Variants in SLC22A23 observed in about 807,000 individuals in gnomAD.
SLC22A23 encodes ion transporter protein.
A neutral mutation model predicts 61.0 loss-of-function variants in SLC22A23; 26 were observed. The observed-to-expected ratio is 0.43, with a 90% CI of 0.31 to 0.59. The LOEUF (loss-of-function observed/expected upper bound fraction) is 0.59. Among genes scored for constraint, SLC22A23 ranks in the 20% least tolerant of loss-of-function variants. SLC22A23 has a pLI of 0.11. For missense variants in SLC22A23, 796 were observed against 934.7 expected, an observed-to-expected ratio of 0.85 and a Z score of 1.94; for synonymous variants, 430 against 413.9, an observed-to-expected ratio of 1.04 and a Z score of -0.47.
chr6:3,286,823 C>G lies in SLC22A23; in HGVS notation c.1546+36G>C. On this transcript the variant is annotated intron_variant, in intron 7 of 9. Coordinates refer to ENST00000406686, the MANE Select transcript of SLC22A23 (RefSeq NM_015482.2). The surrounding 1 kb of genome is among the most constrained non-coding windows in gnomAD (Gnocchi z 4.2). ...TGCCCTTGGGGATCTGCCAGCTTCC[C>G]TCCCTGCACCCAGCCCACCTCCCCG... The G allele has an allele frequency of 6.5e-7, 1 of 1,537,200 alleles. No homozygotes were observed. Among genetic ancestry groups the G allele is most frequent in the East Asian group, 2.4e-5 (1 of 41,248 alleles).
At chr6:3,313,685 T>C (rs1002202158) in intron 4 of SLC22A23, 3 of 152,192 alleles carry the variant, frequency 2.0e-5, no homozygotes, top group Non-Finnish European at 4.4e-5. Flanking sequence ...TTTCTTGTGT[T>C]TGGGCAGGAA....
intron 5 of SLC22A23, chr6:3,291,950 G>C (rs1760637752): frequency 6.6e-6 from 1 of 152,184 alleles, no homozygotes. Flanking sequence ...TATGACCTGA[G>C]CTTTTTAAAT....
At chr6:3,350,870 C>G (rs1764728877) in intron 3 of SLC22A23, among the ~76,000 whole-genome samples, 1 of 152,044 alleles carries the variant, frequency 6.6e-6, no homozygotes, top group Admixed American at 6.5e-5. Flanking sequence ...CACTGCCCTT[C>G]TCACTCCCAT....
chr6:3,373,195 C>T (rs549099285), intron 3 of SLC22A23, among the ~76,000 whole-genome samples: 1 of 152,358 alleles, frequency 6.6e-6, no homozygotes, highest in South Asian at 2.1e-4. Context: ...ACAAAACCCC[C>T]CGGGCACTAA....
chr6:3,340,077 G>A (rs1764066457), intron 3 of SLC22A23, among the ~76,000 whole-genome samples: 1 of 152,134 alleles, frequency 6.6e-6, no homozygotes, highest in Non-Finnish European at 1.5e-5. Flanking sequence ...CTCCCCACAG[G>A]GGAGGTGCTT....
chr6:3,282,894 A>G (rs1759603991), intron 9 of SLC22A23, among the ~76,000 whole-genome samples: 1 of 152,186 alleles, frequency 6.6e-6, no homozygotes, highest in African/African-American at 2.4e-5. Context: ...AGACGGCACC[A>G]GGAAGGGGTC....
intron 1 of SLC22A23, among the ~76,000 whole-genome samples, chr6:3,437,046 G>C (rs556426836): frequency 6.6e-6 from 1 of 152,066 alleles, no homozygotes; most frequent in Non-Finnish European, 1.5e-5. Flanking sequence ...TTTCAGCTTC[G>C]CAAAAACTGC....
chr6:3,349,979 C>T (rs1014253232), intron 3 of SLC22A23, among the ~76,000 whole-genome samples: 1 of 152,250 alleles, frequency 6.6e-6, no homozygotes, highest in Non-Finnish European at 1.5e-5. Flanking sequence ...TAAGTACATT[C>T]ACAGTCCCTT....
chr6:3,282,739 C>A (rs1360508966), intron 9 of SLC22A23, among the ~76,000 whole-genome samples: 1 of 152,228 alleles, frequency 6.6e-6, no homozygotes, highest in Non-Finnish European at 1.5e-5. Flanking sequence ...ATAACTCAAG[C>A]TCCTCAGTAA....
intron 3 of SLC22A23, among the ~76,000 whole-genome samples, chr6:3,391,830 C>T (rs12177815): frequency 1.7e-3 from 255 of 152,030 alleles, no homozygotes; most frequent in African/African-American, 6.0e-3. Context: ...AACTGAAAAG[C>T]GATCATAGTG....
At chr6:3,376,646 T>C (rs1265291741) in intron 3 of SLC22A23, among the ~76,000 whole-genome samples, 1 of 152,214 alleles carries the variant, frequency 6.6e-6, no homozygotes, top group Non-Finnish European at 1.5e-5. Flanking sequence ...ATTCGCTTAT[T>C]TTACAAGCAT....
rs1425095711 is a variant in SLC22A23, at chr6:3,333,026, G to C, written c.914-9024C>G. 6.6e-6 allele frequency among the ~76,000 whole-genome samples: 1 copy of C among 152,204 alleles called. No homozygotes were observed. The highest frequency in any genetic ancestry group is 1.9e-4 in the East Asian group (1 of 5,194). The stretch of plus-strand genomic sequence containing the variant: ...GAAGAGCGTATCGCAGCTGGTGCCT[G>C]TGCGTCACGGTGCTGCCCCGCAGGA... On this transcript the variant is annotated intron_variant, in intron 3 of 9. Coordinates refer to ENST00000406686, the MANE Select transcript of SLC22A23 (RefSeq NM_015482.2). The surrounding 1 kb of genome is among the most constrained non-coding windows in gnomAD (Gnocchi z 4.1).
intron 3 of SLC22A23, among the ~76,000 whole-genome samples, chr6:3,334,023 T>C (rs769132593): frequency 6.6e-6 from 1 of 152,242 alleles, no homozygotes; most frequent in African/African-American, 2.4e-5. Context: ...AAGAGTTTTA[T>C]ACATCTCAGC....
chr6:3,399,800 T>G (rs17249399), intron 3 of SLC22A23, among the ~76,000 whole-genome samples: 5,017 of 152,326 alleles, frequency 0.033, 144 homozygotes, highest in Non-Finnish European at 0.047. Flanking sequence ...AGGAATGATC[T>G]GTCCAGGAGA....
intron 3 of SLC22A23, among the ~76,000 whole-genome samples, chr6:3,368,031 T>C (rs1433496961): frequency 1.3e-5 from 2 of 152,064 alleles, no homozygotes; most frequent in Non-Finnish European, 2.9e-5. Flanking sequence ...TTGAGCAAGG[T>C]CAAGGTGACT....
At position 3,329,959 on chromosome 6, in the gene SLC22A23, G is replaced by A. The variant is rs78187052; in HGVS notation, c.914-5957C>T. On this transcript the variant is annotated intron_variant, in intron 3 of 9. Transcript: ENST00000406686. This position sits in a 1 kb window ranked among gnomAD's most constrained non-coding sequence, Gnocchi z 4.8. Reference sequence around the variant, plus strand: ...AACACAATTCCTGGAACAGGCCTGCGGAACGAGAAATCCTTCCAGAGGCCA... The same window carrying A: ...AACACAATTCCTGGAACAGGCCTGCAGAACGAGAAATCCTTCCAGAGGCCA... Among the ~76,000 whole-genome samples, 3,189 of 152,264 alleles carry A rather than the reference G, an allele frequency of 0.021. 56 individuals carry two copies. Among genetic ancestry groups the A allele is most frequent in the South Asian group, 0.054 (259 of 4,820 alleles).
intron 9 of SLC22A23, among the ~76,000 whole-genome samples, chr6:3,274,172 G>T (rs61246041): frequency 0.091 from 13,808 of 152,206 alleles, 739 homozygotes; most frequent in Middle Eastern, 0.17. Flanking sequence ...TAGTAGATAC[G>T]CAAAACTTAC....
intron 1 of SLC22A23, among the ~76,000 whole-genome samples, chr6:3,430,894 C>A (rs1581877548): frequency 2.0e-5 from 3 of 152,128 alleles, no homozygotes; most frequent in African/African-American, 7.2e-5. Context: ...TGGAGAAACC[C>A]CGTCTCTACT....
At chr6:3,352,512 C>T (rs1271373417) in intron 3 of SLC22A23, among the ~76,000 whole-genome samples, 1 of 152,140 alleles carries the variant, frequency 6.6e-6, no homozygotes, top group East Asian at 1.9e-4. Context: ...CACAAATACA[C>T]AGACAGAGAG....
Sources: gnomAD v4.1 joint callset for allele counts (sites outside exome capture counted in the v4.1 genomes callset) on GRCh38, gnomAD v4.1.1 for gene constraint, Gnocchi (gnomAD v3.1) non-coding constraint, MANE v1.5 for transcripts, NCBI Gene and HGNC (gene_info 2026-07-23, HGNC 2026-07-21) for gene names.